The following RBFOX1 variants were observed in gnomAD, a reference collection of about 807,000 sequenced individuals.
RBFOX1 encodes RNA binding fox-1 homolog 1, also known as RNA binding protein fox-1 homolog 1.
In RBFOX1, 8 loss-of-function variants were observed where a neutral mutation model predicts 57.7. The ratio of observed to expected loss-of-function variants is 0.14; its 90% CI spans 0.08 to 0.25. The LOEUF is 0.25. Ranked by LOEUF, RBFOX1 falls within the 10% of genes least tolerant of loss-of-function variation. RBFOX1 has a pLI of 1.00. For synonymous variants in RBFOX1, 326 were observed against 222.4 expected, an observed-to-expected ratio of 1.47 and a Z score of -4.15; for missense variants, 611 against 548.5, an observed-to-expected ratio of 1.11 and a Z score of -1.14.
chr16:7,566,122 G>A (rs2091631911), intron 5 of RBFOX1, among the ~76,000 whole-genome samples: 2 of 152,272 alleles, frequency 1.3e-5, no homozygotes, highest in South Asian at 4.1e-4. Flanking sequence ...GTCATGGGGT[G>A]CTCATATTCT....
At chr16:5,645,876 T>C (rs1243360240) in intron 3 of RBFOX1, among the ~76,000 whole-genome samples, 1 of 152,160 alleles carries the variant, frequency 6.6e-6, no homozygotes, top group Non-Finnish European at 1.5e-5. Flanking sequence ...TGCTATGTTG[T>C]TATGCTGGAA....
intron 3 of RBFOX1, among the ~76,000 whole-genome samples, chr16:5,801,537 G>A (rs1000767605): frequency 1.3e-5 from 2 of 152,118 alleles, no homozygotes; most frequent in South Asian, 2.1e-4. Flanking sequence ...CGACACAGGC[G>A]CGGGAGCTGG....
intron 2 of RBFOX1, among the ~76,000 whole-genome samples, chr16:6,589,233 G>T (rs1288909316): frequency 6.6e-6 from 1 of 152,168 alleles, no homozygotes; most frequent in Non-Finnish European, 1.5e-5. Context: ...CCAGCCAATG[G>T]GTTCTCCTTG....
intron 1 of RBFOX1, among the ~76,000 whole-genome samples, chr16:6,162,481 A>G (rs913399039): frequency 2.6e-5 from 4 of 152,158 alleles, no homozygotes; most frequent in African/African-American, 4.8e-5. Flanking sequence ...TGGGTGGTGC[A>G]TCTATATAAA....
intron 4 of RBFOX1, among the ~76,000 whole-genome samples, chr16:7,091,685 G>A (rs2060882824): frequency 6.6e-6 from 1 of 152,132 alleles, no homozygotes. Flanking sequence ...AGCTGCCTGT[G>A]GCTTATCTCT....
At chr16:6,294,956 A>T (rs1017883605) in intron 1 of RBFOX1, among the ~76,000 whole-genome samples, 1 of 152,004 alleles carries the variant, frequency 6.6e-6, no homozygotes, top group Non-Finnish European at 1.5e-5. Flanking sequence ...TTGCTGTGTT[A>T]TTCTTCCGGA....
chr16:7,322,964 G>A (rs189201032), intron 4 of RBFOX1, among the ~76,000 whole-genome samples: 102 of 152,236 alleles, frequency 6.7e-4, no homozygotes, highest in Non-Finnish European at 1.2e-3. Flanking sequence ...TGAAGACTCA[G>A]TGGTGGGTGG....
At chr16:7,313,262 G>C (rs1340861782) in intron 4 of RBFOX1, among the ~76,000 whole-genome samples, 2 of 152,106 alleles carry the variant, frequency 1.3e-5, no homozygotes, top group East Asian at 3.9e-4. Context: ...TTGTTTGTTT[G>C]TTTGCTCTCT....
At chr16:7,592,459 A>G (rs1225300486) in intron 7 of RBFOX1, among the ~76,000 whole-genome samples, 2 of 152,266 alleles carry the variant, frequency 1.3e-5, no homozygotes, top group East Asian at 3.9e-4. Flanking sequence ...CAGGAGGGTG[A>G]GTGTTCAGTC....
At chr16:5,775,463 T>C (rs538795735) in intron 3 of RBFOX1, among the ~76,000 whole-genome samples, 1 of 152,330 alleles carries the variant, frequency 6.6e-6, no homozygotes, top group South Asian at 2.1e-4. Context: ...AGTAACACGG[T>C]GGAAACACCT....
intron 7 of RBFOX1, among the ~76,000 whole-genome samples, chr16:7,592,974 C>T (rs557579317): frequency 1.4e-5 from 2 of 145,186 alleles, no homozygotes; most frequent in African/African-American, 5.1e-5. Context: ...GGCTGTCACA[C>T]CTGGCTTTTT....
intron 4 of RBFOX1, among the ~76,000 whole-genome samples, chr16:7,351,342 C>G (rs1427341013): frequency 2.0e-5 from 3 of 152,222 alleles, no homozygotes; most frequent in Non-Finnish European, 4.4e-5. Flanking sequence ...TAGTTCATTC[C>G]TTTGATAATT....
chr16:5,676,067 C>A (rs564247474), intron 3 of RBFOX1, among the ~76,000 whole-genome samples: 2 of 151,974 alleles, frequency 1.3e-5, no homozygotes, highest in African/African-American at 4.8e-5. Flanking sequence ...CGGGAGGGAA[C>A]GTCGCACACC....
chr16:5,394,013 A>C (rs149525894), intron 1 of RBFOX1, among the ~76,000 whole-genome samples: 1 of 151,690 alleles, frequency 6.6e-6, no homozygotes, highest in Non-Finnish European at 1.5e-5. Flanking sequence ...TAGCATAGCC[A>C]TTTCTTTTTC....
chr16:5,334,053 A>G (rs763029641), intron 1 of RBFOX1, among the ~76,000 whole-genome samples: 7 of 150,734 alleles, frequency 4.6e-5, no homozygotes, highest in Non-Finnish European at 1.0e-4. Flanking sequence ...CTTCTGGCCG[A>G]TTTCTGTCAG....
intron 1 of RBFOX1, among the ~76,000 whole-genome samples, chr16:6,089,679 C>T (rs114426473): frequency 0.017 from 2,522 of 152,172 alleles, 50 homozygotes; most frequent in African/African-American, 0.046. Context: ...GGTGTATGTT[C>T]TTAGCTGGTG....
exon 3 of RBFOX1, chr16:5,598,930 T>G (rs1450734901): frequency 6.5e-7 from 1 of 1,532,082 alleles, no homozygotes; most frequent in Non-Finnish European, 8.7e-7. Flanking sequence ...TCAACCCTCC[T>G]CCCCGGTGCC....
intron 2 of RBFOX1, among the ~76,000 whole-genome samples, chr16:6,333,071 G>A (rs1468307041): frequency 1.3e-5 from 2 of 151,652 alleles, no homozygotes; most frequent in African/African-American, 4.8e-5. Context: ...ACAGCATCTT[G>A]CTCTGCCACC....
At position 7,273,118 on chromosome 16, in the gene RBFOX1, C is replaced by T. The variant is rs1452702551; in HGVS notation, c.27+221020C>T. Reference sequence around the variant, plus strand: ...CCCTCCCTTTCCTCCTTCCCTCTCTCCCTCCCTTTCCTCCTTCCCTGCTTC... The same window carrying T: ...CCCTCCCTTTCCTCCTTCCCTCTCTTCCTCCCTTTCCTCCTTCCCTGCTTC... On this transcript the variant is annotated intron_variant, in intron 4 of 15. Transcript: ENST00000550418. Among the ~76,000 whole-genome samples, 8 of 127,380 alleles carry T rather than the reference C, an allele frequency of 6.3e-5. 2 individuals carry two copies. Among genetic ancestry groups the T allele is most frequent in the African/African-American group, 1.2e-4 (4 of 32,260 alleles). The allele number at this position is 127,380 out of a possible 152,430, so 83.6% of individuals were successfully genotyped here. A position where few individuals can be genotyped will look rare whatever the true frequency, so the allele number is the denominator to read the frequency against.
Sources: allele counts gnomAD v4.1 joint callset (sites outside exome capture counted in the v4.1 genomes callset), GRCh38; gene constraint gnomAD v4.1.1; transcripts MANE v1.5; gene names NCBI Gene and HGNC (gene_info 2026-07-23, HGNC 2026-07-21).